Variants in ERO1B observed in about 807,000 individuals in gnomAD.
ERO1B encodes the protein ERO1-like protein beta.
In ERO1B, 49 loss-of-function variants were observed where a neutral mutation model predicts 75.3. The observed-to-expected ratio is 0.65, with a 90% CI of 0.52 to 0.83. The LOEUF (loss-of-function observed/expected upper bound fraction) is 0.83. Ranked by LOEUF, ERO1B falls within the 40% of genes least tolerant of loss-of-function variation. The probability of loss-of-function intolerance (pLI) is 0.00; values close to 1 mark genes in which losing one functional copy is unlikely to be tolerated. For synonymous variants in ERO1B, 191 were observed against 192.9 expected (o/e 0.99, Z 0.08); for missense variants, 512 against 560.1 (o/e 0.91, Z 0.87).
intron 13 of ERO1B, among the ~76,000 whole-genome samples, chr1:236,224,182 G>A (rs1459600084): frequency 1.3e-5 from 2 of 152,018 alleles, no homozygotes; most frequent in African/African-American, 2.4e-5. Context: ...ACAAAACTAC[G>A]AATATCTGCT....
At chr1:236,228,597 G>A (rs1009364956) in intron 10 of ERO1B, among the ~76,000 whole-genome samples, 1 of 152,134 alleles carries the variant, frequency 6.6e-6, no homozygotes, top group Admixed American at 6.5e-5. Context: ...TCCTCTTTTC[G>A]ATTTAATTTC....
At chr1:236,235,890 T>C (rs920687307) in intron 7 of ERO1B, 55 bp from the exon 8 acceptor site, 14 of 1,479,750 alleles carry the variant, frequency 9.5e-6, no homozygotes, top group Admixed American at 3.9e-5. Context: ...TTATAGTGTA[T>C]AATTTTATTC....
At chr1:236,224,923 C>A (rs940221883) in intron 13 of ERO1B, 147 bp downstream of exon 13, 27 of 712,314 alleles carry the variant, frequency 3.8e-5, no homozygotes, top group Middle Eastern at 4.9e-4. Flanking sequence ...TATGGAAAGG[C>A]TTTTTGTACC....
At position 236,216,398 on chromosome 1, in the gene ERO1B, A is replaced by G. The variant is rs1283217723; in HGVS notation, c.*2118T>C. 6.6e-6 allele frequency: 1 copy of G among 152,204 alleles called. No homozygotes were observed. Among genetic ancestry groups the G allele is most frequent in the Non-Finnish European group, 1.5e-5 (1 of 68,014 alleles). 9.4% of individuals were successfully genotyped at this position (152,204 alleles called of 1,614,324 possible). On this transcript the variant is annotated 3_prime_UTR_variant, in exon 16 of 16. Coordinates refer to ENST00000354619, the MANE Select transcript of ERO1B (RefSeq NM_019891.4). Reference sequence around the variant, plus strand: ...TGTCACCAGGCTCACACAATCATTTAAGAAATAAAAACACATACACAAAAA... The same window carrying G: ...TGTCACCAGGCTCACACAATCATTTGAGAAATAAAAACACATACACAAAAA...
chr1:236,276,093 T>C (rs1271258236), intron 1 of ERO1B, among the ~76,000 whole-genome samples: 2 of 152,196 alleles, frequency 1.3e-5, no homozygotes, highest in African/African-American at 4.8e-5. Flanking sequence ...ATCTGCCATG[T>C]TTAAGAACAA....
chr1:236,266,310 T>G (rs552191550), intron 2 of ERO1B, among the ~76,000 whole-genome samples: 11 of 152,228 alleles, frequency 7.2e-5, no homozygotes, highest in Non-Finnish European at 1.3e-4. Context: ...TGTTTAAAAT[T>G]AACTTCTTTT....
At chr1:236,233,760 C>T (rs1309794858) in intron 8 of ERO1B, among the ~76,000 whole-genome samples, 1 of 152,146 alleles carries the variant, frequency 6.6e-6, no homozygotes, top group African/African-American at 2.4e-5. Flanking sequence ...CTGTTTCCAA[C>T]CTGGAATATT....
At chr1:236,248,029 CTTA>C (rs1163741876) in intron 5 of ERO1B, among the ~76,000 whole-genome samples, 1 of 152,264 alleles carries the variant, frequency 6.6e-6, no homozygotes, top group African/African-American at 2.4e-5. Flanking sequence ...ATTTTACTTA[CTTA>C]TTTCTCATAT....
At chr1:236,225,047 T>TTGCCAGCCTGG in intron 13 of ERO1B, 23 bp downstream of exon 13, 1 of 1,610,534 alleles carries the variant, frequency 6.2e-7, no homozygotes, top group Non-Finnish European at 8.5e-7. Flanking sequence ...CCCAACCCCG[T>TTGCCAGCCTGG]GTCCCAATCG....
In ERO1B at chr1:236,281,656, C is replaced by T. The variant is rs543004999; in HGVS notation, c.102+26G>A. The stretch of plus-strand genomic sequence containing the variant: ...GGCCGCGGGTGTTCGGCCGGGGGTT[C>T]CCGGCCCGCTATCACTCGGGCTTAC... On this transcript the variant is annotated intron_variant, in intron 1 of 15. Transcript: ENST00000354619. 1.7e-5 allele frequency: 23 copies of T among 1,389,330 alleles called. No individual in the cohort carries two copies. The East Asian group carries it at 5.6e-4, about 34-fold the overall frequency. The allele number at this position is 1,389,330 out of a possible 1,614,324, so 86.1% of individuals were successfully genotyped here.
At chr1:236,218,715 A>T in intron 15 of ERO1B, 139 bp from the exon 16 acceptor site, 1 of 740,004 alleles carries the variant, frequency 1.4e-6, no homozygotes, top group Non-Finnish European at 1.8e-6. Context: ...TCCATGTTTA[A>T]ATTAGTGTTC....
intron 6 of ERO1B, among the ~76,000 whole-genome samples, chr1:236,239,875 A>ATATATGTATATATATGTG (rs1664650558): frequency 2.4e-5 from 3 of 123,640 alleles, no homozygotes; most frequent in Non-Finnish European, 4.9e-5. Flanking sequence ...ATATATGTGT[A>ATATATGTATATATATGTG]TATGTGTGTG....
chr1:236,224,111 G>A (rs1019859887), intron 13 of ERO1B, among the ~76,000 whole-genome samples: 6 of 152,086 alleles, frequency 3.9e-5, no homozygotes, highest in Non-Finnish European at 8.8e-5. Context: ...AGTCAAATCC[G>A]TTAATGTTTC....
rs1291696952 is a variant in ERO1B at position 236,218,435 on chromosome 1, G to C, written c.*81C>G. 7 of 1,293,922 alleles carry C rather than the reference G, an allele frequency of 5.4e-6. No homozygotes were observed. In the South Asian group the frequency reaches 9.9e-5, roughly 18 times the overall value. The allele number at this position is 1,293,922 out of a possible 1,614,324, so 80.2% of individuals were successfully genotyped here. A position where few individuals can be genotyped will look rare whatever the true frequency, so the allele number is the denominator to read the frequency against. ...GTTCAGAATTCTTGAAGTCAGATTA[G>C]TGTCTTTCTGATGAATGTCCATAAT... On this transcript the variant is annotated 3_prime_UTR_variant, in exon 16 of 16. Transcript: ENST00000354619.
chr1:236,255,179 A>T (rs1414277180), intron 2 of ERO1B, among the ~76,000 whole-genome samples: 1 of 150,344 alleles, frequency 6.7e-6, no homozygotes, highest in Non-Finnish European at 1.5e-5. Context: ...CAAGCCATCC[A>T]CCCACCTCAG....
At chr1:236,247,783 C>A (rs1664920849) in intron 5 of ERO1B, among the ~76,000 whole-genome samples, 1 of 152,168 alleles carries the variant, frequency 6.6e-6, no homozygotes, top group Non-Finnish European at 1.5e-5. Context: ...TTACATTGGT[C>A]TTATTGTGTT....
intron 2 of ERO1B, among the ~76,000 whole-genome samples, chr1:236,255,098 C>CTT (rs1310243679): frequency 1.6e-4 from 22 of 133,430 alleles, no homozygotes; most frequent in African/African-American, 5.1e-4. Flanking sequence ...TTTTTTTTTT[C>CTT]TTTCTTTTTT....
In ERO1B at chr1:236,243,508, G is replaced by A. The variant is rs1484558157; in HGVS notation, c.432-13C>T. 3 of 1,572,962 alleles carry A rather than the reference G, an allele frequency of 1.9e-6. No individual in the cohort carries two copies. Among genetic ancestry groups the A allele is most frequent in the Admixed American group, 3.6e-5 (2 of 55,294 alleles). ...TTTGCTTTGATTACTATGGGAAGGA[G>A]GAATAAAAAAGAAAAATTATTAAAT... On this transcript the variant is annotated splice_polypyrimidine_tract_variant and intron_variant, in intron 5 of 15. Transcript: ENST00000354619.
In ERO1B at chr1:236,217,350, AGGACTGTTGGTAT is replaced by A. The variant is rs1664016666; in HGVS notation, c.*1153_*1165del. On this transcript the variant is annotated 3_prime_UTR_variant, in exon 16 of 16. Coordinates refer to ENST00000354619, the MANE Select transcript of ERO1B (RefSeq NM_019891.4). ...TCCCAGATTTAGAAAATGACAGTTTAGGACTGTTGGTATGAATCACAGAAAGTCCTCTGTTGGT... is the reference window on the plus strand; with the variant it reads ...TCCCAGATTTAGAAAATGACAGTTTAGAATCACAGAAAGTCCTCTGTTGGT... 1 of 152,184 alleles carries A rather than the reference AGGACTGTTGGTAT, an allele frequency of 6.6e-6. No individual in the cohort carries two copies. The highest frequency in any genetic ancestry group is 2.4e-5 in the African/African-American group (1 of 41,406). The allele number at this position is 152,184 out of a possible 1,614,324, so 9.4% of individuals were successfully genotyped here. A position where few individuals can be genotyped will look rare whatever the true frequency, so the allele number is the denominator to read the frequency against.
Sources: gnomAD v4.1 joint callset for allele counts (sites outside exome capture counted in the v4.1 genomes callset) on GRCh38, gnomAD v4.1.1 for gene constraint, MANE v1.5 for transcripts, NCBI Gene and HGNC (gene_info 2026-07-23, HGNC 2026-07-21) for gene names.